The following ANKRD13A variants were observed in gnomAD, a reference collection of about 807,000 sequenced individuals.
ANKRD13A encodes the protein ankyrin repeat domain 13A.
Under a neutral mutation model 81.3 loss-of-function variants are expected in ANKRD13A, and 48 were observed. That is an observed-to-expected ratio of 0.59 (90% CI 0.47 to 0.75). The LOEUF is 0.75. ANKRD13A is among the 30% of genes least tolerant of loss of function. The pLI is 0.00. For missense variants in ANKRD13A, 612 were observed against 734.0 expected, an observed-to-expected ratio of 0.83 and a Z score of 1.92; for synonymous variants, 230 against 270.1, an observed-to-expected ratio of 0.85 and a Z score of 1.45.
chr12:110,001,864 A>G (rs1250957389), intron 1 of ANKRD13A, among the ~76,000 whole-genome samples: 3 of 152,256 alleles, frequency 2.0e-5, no homozygotes, highest in Non-Finnish European at 4.4e-5. Flanking sequence ...GCATTTTAGT[A>G]TACTGATCAT....
In ANKRD13A at chr12:110,013,194, AC is replaced by A. The variant is rs770465848; in HGVS notation, c.300del (p.His100GlnfsTer27). 1 of 1,614,212 alleles carries A rather than the reference AC, an allele frequency of 6.2e-7. No individual in the cohort carries two copies. Among genetic ancestry groups the A allele is most frequent in the South Asian group, 1.1e-5 (1 of 91,080 alleles). On this transcript the variant is annotated frameshift_variant, in exon 3 of 15. Transcript: ENST00000261739. LOFTEE classifies it high-confidence loss of function. ...VYTVLQHRDY[H>X]NTSMALEGVP... ...ACAGTTCTCCAACATCGAGACTACCACAACACATCCATGGCCCTTGAGGGAG... is the reference window on the plus strand; with the variant it reads ...ACAGTTCTCCAACATCGAGACTACCAAACACATCCATGGCCCTTGAGGGAG...
intron 1 of ANKRD13A, among the ~76,000 whole-genome samples, chr12:110,001,749 G>C (rs1302816638): frequency 6.7e-6 from 1 of 150,200 alleles, no homozygotes; most frequent in Non-Finnish European, 1.5e-5. Context: ...TTCCAGATAC[G>C]ATAAACTTTT....
intron 7 of ANKRD13A, among the ~76,000 whole-genome samples, chr12:110,025,070 C>T (rs7310558): frequency 0.18 from 27,440 of 152,148 alleles, 4,801 homozygotes; most frequent in African/African-American, 0.46. Context: ...AGACTACCAG[C>T]GGAGGCTGGG....
chr12:109,999,532 C>T lies in ANKRD13A; in HGVS notation c.-157C>T. 2 of 422,402 alleles carry T rather than the reference C, an allele frequency of 4.7e-6. No individual in the cohort carries two copies. Among genetic ancestry groups the T allele is most frequent in the Non-Finnish European group, 7.6e-6 (2 of 262,620 alleles). The allele number at this position is 422,402 out of a possible 1,614,324, so 26.2% of individuals were successfully genotyped here. ...AGCCGGCCGGCGACCCCGGACCTCC[C>T]GCGCGCCCCGCACCCGACCGGCTCA... On this transcript the variant is annotated 5_prime_UTR_variant, in exon 1 of 15. Transcript: ENST00000261739. This position sits in a 1 kb window ranked among gnomAD's most constrained non-coding sequence, Gnocchi z 4.3.
intron 1 of ANKRD13A, among the ~76,000 whole-genome samples, chr12:110,006,030 TGGTCTTGAACTCC>T: frequency 6.6e-6 from 1 of 152,224 alleles, no homozygotes; most frequent in African/African-American, 2.4e-5. Flanking sequence ...TTGGCCAGGC[TGGTCTTGAACTCC>T]TGACCTCAAG....
chr12:110,018,029 G>A lies in ANKRD13A; in HGVS notation c.401-316G>A, dbSNP rs1266392734. Among the ~76,000 whole-genome samples the A allele has an allele frequency of 1.3e-5, 2 of 152,206 alleles. No individual in the cohort carries two copies. The highest frequency in any genetic ancestry group is 2.1e-4 in the South Asian group (1 of 4,830). ...CAGCCATATGGCAAGAGTTGCATAT[G>A]TGAGTGAGGAAGGCCAGATGTACAG... On this transcript the variant is annotated intron_variant, in intron 4 of 14. Coordinates refer to ENST00000261739, the MANE Select transcript of ANKRD13A (RefSeq NM_033121.2). The surrounding 1 kb of genome is among the most constrained non-coding windows in gnomAD (Gnocchi z 4.4).
At chr12:110,032,711 G>A (rs916026970) in intron 12 of ANKRD13A, 10 of 152,186 alleles carry the variant, frequency 6.6e-5, no homozygotes, top group African/African-American at 2.2e-4. Context: ...TCCCGAGATG[G>A]TAGAATGCGC....
intron 3 of ANKRD13A, 133 bp from the exon 4 acceptor site, chr12:110,016,255 T>TA (rs1890797926): frequency 1.5e-6 from 1 of 652,998 alleles, no homozygotes; most frequent in South Asian, 4.5e-5. Flanking sequence ...GCTAGGGGCT[T>TA]ACATTTTATT....
chr12:110,016,883 A>T (rs137978713), intron 4 of ANKRD13A, among the ~76,000 whole-genome samples: 3,341 of 152,056 alleles, frequency 0.022, 114 homozygotes, highest in African/African-American at 0.076. Flanking sequence ...AGCGATTCTC[A>T]TGCCTCAGCT....
intron 6 of ANKRD13A, among the ~76,000 whole-genome samples, chr12:110,020,925 A>T (rs1475869979): frequency 6.6e-6 from 1 of 152,202 alleles, no homozygotes; most frequent in Non-Finnish European, 1.5e-5. Context: ...ATGTCTTGAG[A>T]AGAGACATTG....
chr12:110,005,723 A>G (rs1449906869), intron 1 of ANKRD13A, among the ~76,000 whole-genome samples: 3 of 152,132 alleles, frequency 2.0e-5, no homozygotes, highest in African/African-American at 7.2e-5. Context: ...GTTAGACGAA[A>G]ATGTTTCTCC....
intron 6 of ANKRD13A, among the ~76,000 whole-genome samples, chr12:110,020,784 C>T (rs1231647369): frequency 1.3e-5 from 2 of 152,222 alleles, no homozygotes; most frequent in East Asian, 3.8e-4. Flanking sequence ...AACTGAGTGC[C>T]ATCAGCAGGG....
At position 109,999,725 on chromosome 12, in the gene ANKRD13A, C is replaced by G. The variant is rs1408539798; in HGVS notation, c.37C>G (p.Leu13Val). ...CTGCGACGCGGGCGACCACTACCCC[C>G]TGCACCTCCTAGTCTGGAAAAACGA... ...SACDAGDHYP[L>V]HLLVWKNDYR... is the part of the protein sequence containing the mutation. Residue 13 changes from leucine to valine, a missense_variant, in exon 1 of 15, where the codon CTG (leucine) becomes GTG (valine). Physicochemically the swap from Leu to Val is conservative, Grantham distance 32. Coordinates refer to ENST00000261739, the MANE Select transcript of ANKRD13A (RefSeq NM_033121.2). The surrounding 1 kb of genome is among the most constrained non-coding windows in gnomAD (Gnocchi z 4.3). 1 of 1,537,960 alleles carries G rather than the reference C, an allele frequency of 6.5e-7. No homozygotes were observed. Among genetic ancestry groups the G allele is most frequent in the Admixed American group, 2.0e-5 (1 of 49,670 alleles).
At chr12:110,007,373 G>GT (rs1184329565) in intron 1 of ANKRD13A, among the ~76,000 whole-genome samples, 3 of 151,564 alleles carry the variant, frequency 2.0e-5, no homozygotes, top group Admixed American at 6.6e-5. Context: ...ATTTTTTGAG[G>GT]TTTTTTTTGT....
chr12:110,030,604 C>T, intron 11 of ANKRD13A, 41 bp from the exon 12 acceptor site: 1 of 1,192,686 alleles, frequency 8.4e-7, no homozygotes, highest in Non-Finnish European at 1.2e-6. Flanking sequence ...TTGTTATTCT[C>T]AGTAAAGTTT....
intron 3 of ANKRD13A, 72 bp downstream of exon 3, chr12:110,013,321 C>A: frequency 1.3e-6 from 2 of 1,579,396 alleles, no homozygotes; most frequent in Non-Finnish European, 1.7e-6. Flanking sequence ...CACAGTTTGA[C>A]ATCCTTGTGT....
intron 3 of ANKRD13A, among the ~76,000 whole-genome samples, chr12:110,014,814 C>T (rs1006234397): frequency 1.8e-5 from 2 of 109,594 alleles, no homozygotes; most frequent in Non-Finnish European, 3.4e-5. Flanking sequence ...GACGGAATCT[C>T]GCTCTGTAGC....
chr12:110,013,805 A>G (rs1028590235), intron 3 of ANKRD13A, among the ~76,000 whole-genome samples: 1 of 151,666 alleles, frequency 6.6e-6, no homozygotes, highest in African/African-American at 2.4e-5. Context: ...AAATATAATA[A>G]TATAATAATA....
intron 6 of ANKRD13A, chr12:110,020,988 C>T (rs1362545537): frequency 2.6e-5 from 9 of 346,218 alleles, no homozygotes; most frequent in South Asian, 8.6e-5. Context: ...TGTTGAAGTG[C>T]GATTTGTGAA....
Sources: allele counts gnomAD v4.1 joint callset (sites outside exome capture counted in the v4.1 genomes callset), GRCh38; gene constraint gnomAD v4.1.1; non-coding constraint Gnocchi (gnomAD v3.1); transcripts MANE v1.5; gene names NCBI Gene and HGNC (gene_info 2026-07-23, HGNC 2026-07-21).